The following GPT variants were observed in gnomAD, a reference collection of about 807,000 sequenced individuals.
The protein encoded by GPT is glutamic--pyruvic transaminase.
In GPT, 60 loss-of-function variants were observed where a neutral mutation model predicts 51.4. That is an observed-to-expected ratio of 1.17 (90% CI 0.95 to 1.45). GPT has a LOEUF of 1.45. Among genes scored for constraint, GPT ranks in the 40% most tolerant of loss-of-function variants. The probability of loss-of-function intolerance (pLI) is 0.00; values close to 1 mark genes in which losing one functional copy is unlikely to be tolerated. For synonymous variants in GPT, 397 were observed against 303.1 expected, an observed-to-expected ratio of 1.31 and a Z score of -3.22; for missense variants, 853 against 704.0, an observed-to-expected ratio of 1.21 and a Z score of -2.40.
rs747616812 is a variant in GPT, at chr8:144,505,947, G to C, written c.819+20G>C. 6.2e-7 allele frequency: 1 copy of C among 1,611,568 alleles called. No homozygotes were observed. The highest frequency in any genetic ancestry group is 8.5e-7 in the Non-Finnish European group (1 of 1,179,448). On this transcript the variant is annotated intron_variant, in intron 6 of 10. Coordinates refer to ENST00000394955, the MANE Select transcript of GPT (RefSeq NM_005309.3). ...GACGAGGTGCGCGGCGCGGGGGAGC[G>C]GGAAGCCGGGCAACAGTCCGCCCCC...
At position 144,504,312 on chromosome 8, in the gene GPT, C is replaced by T. The variant is rs774925715; in HGVS notation, c.8C>T (p.Ser3Leu). The T allele has an allele frequency of 5.0e-6, 8 of 1,608,786 alleles. No homozygotes were observed. Among genetic ancestry groups the T allele is most frequent in the African/African-American group, 2.7e-5 (2 of 74,934 alleles). MASSTGDRSQAVR... is the reference protein window; with the variant it reads MALSTGDRSQAVR... ...CCTGGTCTGGGTAGAGTCATGGCCTCGAGCACAGGTGACCGGAGCCAGGCG... is the reference window on the plus strand; with the variant it reads ...CCTGGTCTGGGTAGAGTCATGGCCTTGAGCACAGGTGACCGGAGCCAGGCG... The change falls in exon 1 of 11, where the codon TCG becomes TTG. Residue 3 changes from serine (S) to leucine (L), a missense_variant. Physicochemically the swap from Ser to Leu is moderately radical, Grantham distance 145. Transcript: ENST00000394955.
Position 144,506,608 on chromosome 8 carries a change from C to T in GPT, c.1239C>T (p.Tyr413=), listed in dbSNP as rs1430680529. 20 of 1,563,568 alleles carry T rather than the reference C, an allele frequency of 1.3e-5. No homozygotes were observed. The highest frequency in any genetic ancestry group is 4.0e-5 in the African/African-American group (3 of 74,162). ...GCAACCCAGTGCAGGGCGCCATGTA[C>T]TCCTTCCCGCGCGTGCAGCTGCCCC... ...ISCNPVQGAM[Y]SFPRVQLPPR... The change falls in exon 9 of 11, where the codon TAC becomes TAT. Residue 413 remains tyrosine (Y), a synonymous_variant. Coordinates refer to ENST00000394955, the MANE Select transcript of GPT (RefSeq NM_005309.3). The surrounding 1 kb of genome is among the most constrained non-coding windows in gnomAD (Gnocchi z 7.0).
rs759651323 is a variant in GPT, at chr8:144,504,581, T to C, written c.163-23T>C. On this transcript the variant is annotated intron_variant, in intron 1 of 10. Transcript: ENST00000394955. ...GGGGTTAGGTAGGGCACAGTCTCCC[T>C]GCCTGCTCCCCTCCCCTCCCAGGGT... The C allele has an allele frequency of 7.4e-6, 12 of 1,611,548 alleles. No individual in the cohort carries two copies. The South Asian group carries it at 1.3e-4, about 18-fold the overall frequency.
In GPT at chr8:144,505,225, C is replaced by T. The variant is rs1000709364; in HGVS notation, c.496-21C>T. 1.1e-5 allele frequency: 17 copies of T among 1,610,374 alleles called. No individual in the cohort carries two copies. In the African/African-American group the frequency reaches 2.3e-4, roughly 22 times the overall value. The stretch of plus-strand genomic sequence containing the variant: ...GCGGCCCCAGGCCTCGCCAACCCTG[C>T]CTTCCCCTTCCTTTCCGCAGACGGT... On this transcript the variant is annotated intron_variant, in intron 4 of 10. Coordinates refer to ENST00000394955, the MANE Select transcript of GPT (RefSeq NM_005309.3).
rs1466004083 is a variant in GPT at position 144,506,122 on chromosome 8, A to C, written c.947A>C (p.Tyr316Ser). The change falls in exon 7 of 11, where the codon TAC becomes TCC. Residue 316 changes from tyrosine to serine, a missense_variant. By Grantham distance (144) the Tyr-to-Ser change is moderately radical. Transcript: ENST00000394955. This position sits in a 1 kb window ranked among gnomAD's most constrained non-coding sequence, Gnocchi z 7.0. ...LASFHSTSKG[Y>S]MGECGFRGGY... ...TCCTTCCACTCCACCTCCAAGGGCT[A>C]CATGGGCGAGTGCGTGCGTACGAGG... 6.2e-7 allele frequency: 1 copy of C among 1,612,130 alleles called. No homozygotes were observed. Among genetic ancestry groups the C allele is most frequent in the Non-Finnish European group, 8.5e-7 (1 of 1,179,530 alleles).
In GPT at chr8:144,507,157, T is replaced by C; in HGVS notation, c.*157T>C. On this transcript the variant is annotated 3_prime_UTR_variant, in exon 11 of 11. Transcript: ENST00000394955. The stretch of plus-strand genomic sequence containing the variant: ...TCTGCAGGTCCCTAATAAAGCTGTG[T>C]GGCAGTCTGACTCCAGGGAGGAAGC... The C allele has an allele frequency of 1.5e-6, 1 of 674,714 alleles. No homozygotes were observed. The highest frequency in any genetic ancestry group is 2.7e-5 in the East Asian group (1 of 36,740). The allele number at this position is 674,714 out of a possible 1,614,324, so 41.8% of individuals were successfully genotyped here.
Position 144,506,618 on chromosome 8 carries a change from C to T in GPT, c.1249C>T (p.Arg417Cys), listed in dbSNP as rs897755799. Residue 417 changes from arginine (R) to cysteine (C), a missense_variant, in exon 9 of 11, where the codon CGC (arginine) becomes TGC (cysteine). Coordinates refer to ENST00000394955, the MANE Select transcript of GPT (RefSeq NM_005309.3). This position sits in a 1 kb window ranked among gnomAD's most constrained non-coding sequence, Gnocchi z 7.0. ...GCAGGGCGCCATGTACTCCTTCCCG[C>T]GCGTGCAGCTGCCCCCGCGGGCGGT... ...PVQGAMYSFP[R>C]VQLPPRAVER... The T allele has an allele frequency of 4.4e-5, 68 of 1,549,376 alleles. No individual in the cohort carries two copies. Among genetic ancestry groups the T allele is most frequent in the Non-Finnish European group, 5.7e-5 (65 of 1,146,022 alleles).
Position 144,504,808 on chromosome 8 carries a change from G to T in GPT, c.290G>T (p.Ser97Ile). Reference sequence around the variant, plus strand: ...TGTGTTAACCCTGATCTTCTGAGCAGCCCCAACTTCCCTGACGATGCCAAG... The same window carrying T: ...TGTGTTAACCCTGATCTTCTGAGCATCCCCAACTTCCCTGACGATGCCAAG... ...ALCVNPDLLSSPNFPDDAKKR... is the reference protein window; with the variant it reads ...ALCVNPDLLSIPNFPDDAKKR... The change falls in exon 3 of 11, where the codon AGC becomes ATC. Residue 97 changes from serine (S) to isoleucine (I), a missense_variant. By Grantham distance (142) the Ser-to-Ile change is moderately radical. Coordinates refer to ENST00000394955, the MANE Select transcript of GPT (RefSeq NM_005309.3). 1 of 1,613,694 alleles carries T rather than the reference G, an allele frequency of 6.2e-7. No homozygotes were observed. The highest frequency in any genetic ancestry group is 8.5e-7 in the Non-Finnish European group (1 of 1,180,010).
upstream of GPT, chr8:144,503,874 ACCT>A (rs772917858): frequency 1.1e-4 from 25 of 226,616 alleles, no homozygotes; most frequent in Admixed American, 4.8e-4. Context: ...GCACCCCTTC[ACCT>A]CCTGAGCACC....
In GPT at chr8:144,504,395, C is replaced by T. The variant is rs1417305697; in HGVS notation, c.91C>T (p.Arg31Trp). 8.1e-6 allele frequency: 13 copies of T among 1,611,692 alleles called. No homozygotes were observed. The highest frequency in any genetic ancestry group is 3.3e-5 in the South Asian group (3 of 91,072). Residue 31 changes from arginine (R) to tryptophan (W), a missense_variant, in exon 1 of 11, where the codon CGG becomes TGG. Arg to Trp is a moderately radical substitution (Grantham distance 101). Transcript: ENST00000394955. ...GCTGGACGGCATGAACCCGCGTGTGCGGAGAGTGGAGTACGCAGTGCGTGG... is the reference window on the plus strand; with the variant it reads ...GCTGGACGGCATGAACCCGCGTGTGTGGAGAGTGGAGTACGCAGTGCGTGG... ...LTLDGMNPRVRRVEYAVRGPI... is the reference protein window; with the variant it reads ...LTLDGMNPRVWRVEYAVRGPI...
chr8:144,504,418 TG>T lies in GPT; in HGVS notation c.116del (p.Gly39AlafsTer3), dbSNP rs1158381343. ...RVRRVEYAVR[G>X]PIVQRALELE... ...TGCGGAGAGTGGAGTACGCAGTGCG[TG>T]GCCCCATAGTGCAGCGAGCCTTGGA... On this transcript the variant is annotated frameshift_variant, in exon 1 of 11. Coordinates refer to ENST00000394955, the MANE Select transcript of GPT (RefSeq NM_005309.3). LOFTEE classifies it high-confidence loss of function. 2 of 1,611,518 alleles carry T rather than the reference TG, an allele frequency of 1.2e-6. No individual in the cohort carries two copies. The highest frequency in any genetic ancestry group is 1.3e-5 in the African/African-American group (1 of 75,062).
In GPT at chr8:144,506,611, C is replaced by T; in HGVS notation, c.1242C>T (p.Ser414=). The T allele has an allele frequency of 6.4e-7, 1 of 1,562,336 alleles. No individual in the cohort carries two copies. Among genetic ancestry groups the T allele is most frequent in the Non-Finnish European group, 8.7e-7 (1 of 1,153,538 alleles). ...SCNPVQGAMY[S]FPRVQLPPRA... is the part of the protein sequence containing the mutation. ...ACCCAGTGCAGGGCGCCATGTACTCCTTCCCGCGCGTGCAGCTGCCCCCGC... is the reference window on the plus strand; with the variant it reads ...ACCCAGTGCAGGGCGCCATGTACTCTTTCCCGCGCGTGCAGCTGCCCCCGC... Residue 414 remains serine, a synonymous_variant, in exon 9 of 11, where the codon TCC becomes TCT. Transcript: ENST00000394955. The surrounding 1 kb of genome is among the most constrained non-coding windows in gnomAD (Gnocchi z 7.0).
rs772159817 is a variant in GPT at position 144,505,150 on chromosome 8, C to G, written c.495+19C>G. ...CATCGTGGTAGGCTGGGCATGGGCA[C>G]CAAGACATTCCTGACACTGCAGAGG... On this transcript the variant is annotated intron_variant, in intron 4 of 10. Transcript: ENST00000394955. The G allele has an allele frequency of 6.2e-7, 1 of 1,612,896 alleles. No homozygotes were observed. The highest frequency in any genetic ancestry group is 1.1e-5 in the South Asian group (1 of 91,088).
In GPT at chr8:144,505,837, C is replaced by A; in HGVS notation, c.740-11C>A. 1 of 1,544,282 alleles carries A rather than the reference C, an allele frequency of 6.5e-7. No individual in the cohort carries two copies. Among genetic ancestry groups the A allele is most frequent in the East Asian group, 2.4e-5 (1 of 40,828 alleles). Reference sequence around the variant, plus strand: ...GGCTCACCCAGCACTGCTGCCTCCCCGGCACCCCAGGGCAGGTGCAGACCC... The same window carrying A: ...GGCTCACCCAGCACTGCTGCCTCCCAGGCACCCCAGGGCAGGTGCAGACCC... On this transcript the variant is annotated splice_polypyrimidine_tract_variant and intron_variant, in intron 5 of 10. Transcript: ENST00000394955.
rs1015316232 is a variant in GPT at position 144,505,812 on chromosome 8, G to C, written c.740-36G>C. ...CCAGCGGAGGGCAGTGCGCCCCCTT[G>C]GCTCACCCAGCACTGCTGCCTCCCC... On this transcript the variant is annotated intron_variant, in intron 5 of 10. Transcript: ENST00000394955. The C allele has an allele frequency of 1.0e-5, 16 of 1,534,980 alleles. No homozygotes were observed. The African/African-American group carries it at 1.7e-4, about 16-fold the overall frequency.
In GPT at chr8:144,505,351, G is replaced by T; in HGVS notation, c.601G>T (p.Ala201Ser). The T allele has an allele frequency of 6.3e-7, 1 of 1,576,474 alleles. No homozygotes were observed. Among genetic ancestry groups the T allele is most frequent in the Non-Finnish European group, 8.6e-7 (1 of 1,161,714 alleles). The part of the protein sequence containing the change: ...LYSATLAELG[A>S]VQVDYYLDEE... The stretch of plus-strand genomic sequence containing the variant: ...CTCGGCCACGCTGGCAGAGCTGGGC[G>T]CAGTGCAGGTGGATTACTACCTGGA... The change falls in exon 5 of 11, where the codon GCA becomes TCA. Residue 201 changes from alanine (A) to serine (S), a missense_variant. By Grantham distance (99) the Ala-to-Ser change is moderately conservative (BLOSUM62 1). Coordinates refer to ENST00000394955, the MANE Select transcript of GPT (RefSeq NM_005309.3).
At position 144,505,934 on chromosome 8, in the gene GPT, G is replaced by A. The variant is rs756607887; in HGVS notation, c.819+7G>A. On this transcript the variant is annotated splice_region_variant and intron_variant, in intron 6 of 10. Transcript: ENST00000394955. ...CTTTCTGCTGGCGGACGAGGTGCGCGGCGCGGGGGAGCGGGAAGCCGGGCA... is the reference window on the plus strand; with the variant it reads ...CTTTCTGCTGGCGGACGAGGTGCGCAGCGCGGGGGAGCGGGAAGCCGGGCA... The A allele has an allele frequency of 5.6e-6, 9 of 1,610,442 alleles. No homozygotes were observed. In the East Asian group the frequency reaches 8.9e-5, roughly 16 times the overall value.
chr8:144,503,978 C>A, upstream of GPT: 1 of 438,136 alleles, frequency 2.3e-6, no homozygotes. Flanking sequence ...TGTGGGTCTC[C>A]TGCTCTCCCT....
At chr8:144,505,168 T>A in intron 4 of GPT, 37 bp downstream of exon 4, 1 of 1,612,776 alleles carries the variant, frequency 6.2e-7, no homozygotes, top group Non-Finnish European at 8.5e-7. Context: ...TTCCTGACAC[T>A]GCAGAGGGGG....
Sources: gnomAD v4.1 joint callset for allele counts on GRCh38, gnomAD v4.1.1 for gene constraint, Gnocchi (gnomAD v3.1) non-coding constraint, MANE v1.5 for transcripts, NCBI Gene and HGNC (gene_info 2026-07-23, HGNC 2026-07-21) for gene names.